Variants in STRIP2 observed in about 807,000 individuals in gnomAD.
STRIP2 encodes the protein striatin-interacting protein 2.
A neutral mutation model predicts 107.1 loss-of-function variants in STRIP2; 84 were observed. That is an observed-to-expected ratio of 0.78 (90% confidence interval 0.66 to 0.94). STRIP2 has a LOEUF of 0.94. Ranked by LOEUF, STRIP2 falls within the 40% of genes least tolerant of loss-of-function variation. STRIP2 has a pLI of 0.00. For synonymous variants in STRIP2, 394 were observed against 400.4 expected, an observed-to-expected ratio of 0.98 and a Z score of 0.19; for missense variants, 888 against 1,034.2, an observed-to-expected ratio of 0.86 and a Z score of 1.94.
chr7:129,478,276 G>A (rs1049042793), intron 18 of STRIP2, among the ~76,000 whole-genome samples: 4 of 152,124 alleles, frequency 2.6e-5, no homozygotes, highest in East Asian at 3.9e-4. Context: ...TTGGGAGGCC[G>A]AGGCAGGTGG....
intron 1 of STRIP2, among the ~76,000 whole-genome samples, chr7:129,437,821 T>TG (rs922550764): frequency 2.7e-5 from 4 of 150,712 alleles, no homozygotes; most frequent in African/African-American, 9.8e-5. Flanking sequence ...GTTTTTTTTT[T>TG]TTTTGACAGA....
chr7:129,467,164 C>T (rs1798689337), intron 16 of STRIP2, among the ~76,000 whole-genome samples, 186 bp from the exon 17 acceptor site: 1 of 152,224 alleles, frequency 6.6e-6, no homozygotes, highest in Non-Finnish European at 1.5e-5. Context: ...GATTATCCCC[C>T]TCCATGTAGG....
intron 6 of STRIP2, 84 bp from the exon 7 acceptor site, chr7:129,454,337 T>G: frequency 1.4e-6 from 2 of 1,461,156 alleles, no homozygotes; most frequent in Non-Finnish European, 1.9e-6. Flanking sequence ...TGGGTTGGGC[T>G]TCCCACAGAG....
Position 129,461,050 on chromosome 7 carries a change from C to T in STRIP2, c.1476+678C>T, listed in dbSNP as rs1477946845. ...ACCAGAAAAGCATAGACGCACTCTA[C>T]GGAGATTAGTTAGAAAACCCTTGAA... On this transcript the variant is annotated intron_variant, in intron 13 of 20. Coordinates refer to ENST00000249344, the MANE Select transcript of STRIP2 (RefSeq NM_020704.3). The surrounding 1 kb of genome is among the most constrained non-coding windows in gnomAD (Gnocchi z 4.0). Among the ~76,000 whole-genome samples, 1 of 152,160 alleles carries T rather than the reference C, an allele frequency of 6.6e-6. No individual in the cohort carries two copies. Among genetic ancestry groups the T allele is most frequent in the African/African-American group, 2.4e-5 (1 of 41,424 alleles).
chr7:129,440,457 T>A (rs1797867910), intron 2 of STRIP2, among the ~76,000 whole-genome samples: 2 of 152,186 alleles, frequency 1.3e-5, no homozygotes, highest in South Asian at 4.1e-4. Context: ...CCTGCCTACT[T>A]CTTTCTGCTG....
At chr7:129,470,536 T>G in intron 17 of STRIP2, 113 bp from the exon 18 acceptor site, 1 of 840,406 alleles carries the variant, frequency 1.2e-6, no homozygotes, top group Non-Finnish European at 2.0e-6. Context: ...ACTAAGCAAT[T>G]TGGGAAATGG....
intron 15 of STRIP2, 98 bp from the exon 16 acceptor site, chr7:129,464,514 C>T: frequency 7.4e-7 from 1 of 1,349,892 alleles, no homozygotes; most frequent in Non-Finnish European, 1.0e-6. Context: ...CAAGTTCTGG[C>T]TCTCTTGTGT....
chr7:129,460,895 T>C (rs890430141), intron 13 of STRIP2, among the ~76,000 whole-genome samples: 2 of 152,218 alleles, frequency 1.3e-5, no homozygotes, highest in African/African-American at 2.4e-5. Context: ...GCCGAGGACC[T>C]GTAAGCAAAG....
intron 2 of STRIP2, among the ~76,000 whole-genome samples, chr7:129,442,880 C>T (rs1261129828): frequency 6.6e-6 from 1 of 152,110 alleles, no homozygotes; most frequent in African/African-American, 2.4e-5. Context: ...CAGGAAGGGT[C>T]TCAGGTAGGG....
At chr7:129,446,389 C>T (rs1798035408) in intron 3 of STRIP2, among the ~76,000 whole-genome samples, 1 of 152,162 alleles carries the variant, frequency 6.6e-6, no homozygotes, top group African/African-American at 2.4e-5. Context: ...ATGCTTCTTC[C>T]AAGTCCCTGA....
chr7:129,472,703 T>C (rs1394077707), intron 18 of STRIP2, among the ~76,000 whole-genome samples: 1 of 152,078 alleles, frequency 6.6e-6, no homozygotes, highest in Non-Finnish European at 1.5e-5. Flanking sequence ...TATCTGTTTT[T>C]TTCAGGCTTA....
At chr7:129,468,674 C>T (rs1003644825) in intron 17 of STRIP2, among the ~76,000 whole-genome samples, 2 of 152,168 alleles carry the variant, frequency 1.3e-5, no homozygotes, top group Non-Finnish European at 2.9e-5. Flanking sequence ...AATGAAAGTA[C>T]AGGTCAGGCT....
Position 129,485,880 on chromosome 7 carries a change from T to C in STRIP2, c.*51T>C, listed in dbSNP as rs150728758. 9,885 of 1,603,418 alleles carry C rather than the reference T, an allele frequency of 6.2e-3. 43 individuals are homozygous for C. The highest frequency in any genetic ancestry group is 0.019 in the Middle Eastern group (87 of 4,674). On this transcript the variant is annotated 3_prime_UTR_variant, in exon 21 of 21. Transcript: ENST00000249344. ...TAGATAGAGGTCAGCTCCAATAAAC[T>C]GTGCTCTGCCTACCCTGTCCATACA...
At chr7:129,475,304 AT>A (rs1443379531) in intron 18 of STRIP2, among the ~76,000 whole-genome samples, 1 of 151,736 alleles carries the variant, frequency 6.6e-6, no homozygotes, top group African/African-American at 2.4e-5. Flanking sequence ...AATATTAAAT[AT>A]TTTATATGTA....
At chr7:129,479,564 A>G (rs900806344) in intron 18 of STRIP2, among the ~76,000 whole-genome samples, 3 of 147,816 alleles carry the variant, frequency 2.0e-5, no homozygotes, top group African/African-American at 7.5e-5. Context: ...GTCTTGGCTC[A>G]CTGCAACCTC....
chr7:129,456,503 T>C lies in STRIP2; in HGVS notation c.899T>C (p.Leu300Pro). Reference sequence around the variant, plus strand: ...GTACAGAAGCGGGCAGAATTGGGCCTGCCTCCACTGGCTGAAGACAGTATC... The same window carrying C: ...GTACAGAAGCGGGCAGAATTGGGCCCGCCTCCACTGGCTGAAGACAGTATC... ...LKVQKRAELG[L>P]PPLAEDSIQV... The change falls in exon 9 of 21, where the codon CTG becomes CCG. Residue 300 changes from leucine to proline, a missense_variant. By Grantham distance (98) the Leu-to-Pro change is moderately conservative. Transcript: ENST00000249344. The C allele has an allele frequency of 1.2e-6, 2 of 1,614,092 alleles. No homozygotes were observed. The highest frequency in any genetic ancestry group is 1.7e-6 in the Non-Finnish European group (2 of 1,180,004).
At chr7:129,478,977 AAAAATTT>A (rs1799045145) in intron 18 of STRIP2, among the ~76,000 whole-genome samples, 1 of 152,164 alleles carries the variant, frequency 6.6e-6, no homozygotes, top group Non-Finnish European at 1.5e-5. Context: ...CTTGCGTCTT[AAAAATTT>A]AAAAGTCTGT....
intron 18 of STRIP2, among the ~76,000 whole-genome samples, chr7:129,476,739 C>T (rs1032431308): frequency 4.6e-5 from 7 of 152,184 alleles, no homozygotes; most frequent in South Asian, 2.1e-4. Context: ...GATGGGCAGC[C>T]GGGCAGAGAC....
chr7:129,487,590 G>A lies in STRIP2; in HGVS notation c.*1761G>A, dbSNP rs1442289575. 1.3e-5 allele frequency: 2 copies of A among 152,170 alleles called. No homozygotes were observed. Among genetic ancestry groups the A allele is most frequent in the Admixed American group, 6.6e-5 (1 of 15,262 alleles). The allele number at this position is 152,170 out of a possible 1,614,324, so 9.4% of individuals were successfully genotyped here. On this transcript the variant is annotated 3_prime_UTR_variant, in exon 21 of 21. Coordinates refer to ENST00000249344, the MANE Select transcript of STRIP2 (RefSeq NM_020704.3). ...TTTCTGTCTCTATGGATAGGTCTTG[G>A]AGAATGTTAAGTAATGGATGAAACT...
Sources: allele counts gnomAD v4.1 joint callset (sites outside exome capture counted in the v4.1 genomes callset), GRCh38; gene constraint gnomAD v4.1.1; non-coding constraint Gnocchi (gnomAD v3.1); transcripts MANE v1.5; gene names NCBI Gene and HGNC (gene_info 2026-07-23, HGNC 2026-07-21).